CDKL4: variants seen among roughly 807,000 people sequenced by gnomAD.
CDKL4 encodes the protein cyclin-dependent kinase-like 4.
In CDKL4, 44 loss-of-function variants were observed where a neutral mutation model predicts 42.0. That is an observed-to-expected ratio of 1.05 (90% CI 0.82 to 1.35). The LOEUF is 1.35. Ranked by LOEUF, CDKL4 falls within the 40% of genes most tolerant of loss-of-function variation. CDKL4 has a pLI of 0.00. For missense variants in CDKL4, 393 were observed against 369.9 expected, an observed-to-expected ratio of 1.06 and a Z score of -0.51; for synonymous variants, 120 against 121.6, an observed-to-expected ratio of 0.99 and a Z score of 0.09.
chr2:39,214,460 T>C (rs924863096), intron 3 of CDKL4, among the ~76,000 whole-genome samples: 18 of 152,224 alleles, frequency 1.2e-4, no homozygotes, highest in Non-Finnish European at 2.4e-4. Context: ...CATAATTTAC[T>C]TAGTCTCTAT....
intron 3 of CDKL4, 99 bp downstream of exon 3, chr2:39,225,740 G>C: frequency 8.2e-7 from 1 of 1,212,310 alleles, no homozygotes; most frequent in Non-Finnish European, 1.1e-6. Flanking sequence ...GTGGTAGAAA[G>C]GGGAATTGTG....
chr2:39,207,236 A>T (rs1021718531), intron 4 of CDKL4, among the ~76,000 whole-genome samples: 105 of 152,148 alleles, frequency 6.9e-4, no homozygotes, highest in Non-Finnish European at 8.8e-4. Flanking sequence ...AAATACAAAA[A>T]TTAGCTAGGT....
upstream of CDKL4, among the ~76,000 whole-genome samples, chr2:39,245,732 G>A (rs150392253): frequency 0.018 from 2,788 of 152,300 alleles, 91 homozygotes; most frequent in African/African-American, 0.062. Flanking sequence ...CCCTGCCTGG[G>A]CAGAGACCTT....
intron 3 of CDKL4, among the ~76,000 whole-genome samples, chr2:39,218,665 G>A (rs1005049740): frequency 4.6e-5 from 7 of 152,140 alleles, no homozygotes; most frequent in Admixed American, 1.3e-4. Flanking sequence ...ACAACAAAAC[G>A]GTAGGGGAAG....
chr2:39,193,144 A>T lies in CDKL4; in HGVS notation c.455-2642T>A, dbSNP rs1322514342. 2.0e-5 allele frequency among the ~76,000 whole-genome samples: 3 copies of T among 149,206 alleles called. No individual in the cohort carries two copies. The East Asian group carries it at 6.0e-4, about 30-fold the overall frequency. On this transcript the variant is annotated intron_variant, in intron 5 of 9. Transcript: ENST00000451199. ...CTCCATCTCTAAAAAAAAAAAAAAA[A>T]AAAAAGGAGCCAGGTTTGGTGGCTC...
chr2:39,180,365 C>T (rs1171955356), intron 8 of CDKL4, among the ~76,000 whole-genome samples: 5 of 152,274 alleles, frequency 3.3e-5, no homozygotes, highest in Non-Finnish European at 7.3e-5. Flanking sequence ...ATTGCGTTGC[C>T]TGAGGCTGCC....
downstream of CDKL4, among the ~76,000 whole-genome samples, chr2:39,173,331 C>G (rs1354397374): frequency 1.3e-5 from 2 of 152,100 alleles, no homozygotes; most frequent in Non-Finnish European, 2.9e-5. Context: ...GCAAAGTTGC[C>G]TTTTATCTTT....
At chr2:39,199,341 ATAAT>A (rs1558558597) in intron 5 of CDKL4, among the ~76,000 whole-genome samples, 1 of 151,982 alleles carries the variant, frequency 6.6e-6, no homozygotes, top group Non-Finnish European at 1.5e-5. Context: ...GATTGAAATG[ATAAT>A]TAAAAAGTTA....
At chr2:39,232,841 C>T (rs562679048) in intron 1 of CDKL4, among the ~76,000 whole-genome samples, 10 of 151,772 alleles carry the variant, frequency 6.6e-5, no homozygotes, top group South Asian at 4.2e-4. Context: ...GTCAGGGGAT[C>T]GAGACCATCC....
intron 4 of CDKL4, among the ~76,000 whole-genome samples, chr2:39,213,153 TTTC>T (rs1677688955): frequency 6.6e-6 from 1 of 152,152 alleles, no homozygotes; most frequent in Non-Finnish European, 1.5e-5. Flanking sequence ...GTTATTCCCT[TTTC>T]TTCTTTTTTG....
At chr2:39,221,013 G>C (rs142558897) in intron 3 of CDKL4, among the ~76,000 whole-genome samples, 2 of 73,774 alleles carry the variant, frequency 2.7e-5, no homozygotes, top group East Asian at 5.2e-4. Context: ...TTTTTTTTTT[G>C]TTTTGTTTTT....
chr2:39,181,652 C>T (rs747141983), intron 8 of CDKL4, among the ~76,000 whole-genome samples: 6 of 152,158 alleles, frequency 3.9e-5, no homozygotes, highest in African/African-American at 7.2e-5. Context: ...GCATGGAGTA[C>T]ACCCCCAACC....
At chr2:39,218,085 T>A (rs934232415) in intron 3 of CDKL4, among the ~76,000 whole-genome samples, 8 of 152,198 alleles carry the variant, frequency 5.3e-5, no homozygotes, top group African/African-American at 1.9e-4. Context: ...TTTACTTCTA[T>A]TTCTATGTTT....
At chr2:39,210,890 A>G (rs1677548008) in intron 4 of CDKL4, among the ~76,000 whole-genome samples, 1 of 152,202 alleles carries the variant, frequency 6.6e-6, no homozygotes, top group South Asian at 2.1e-4. Context: ...AAAGCTTTTG[A>G]TTTAACCTAA....
At chr2:39,232,367 T>C (rs1679127301) in intron 1 of CDKL4, among the ~76,000 whole-genome samples, 1 of 152,194 alleles carries the variant, frequency 6.6e-6, no homozygotes, top group African/African-American at 2.4e-5. Context: ...CTTACTAGGA[T>C]TATAACAGAG....
At chr2:39,173,338 CT>C (rs1407631874), downstream of CDKL4, among the ~76,000 whole-genome samples, 1 of 152,132 alleles carries the variant, frequency 6.6e-6, no homozygotes, top group African/African-American at 2.4e-5. Flanking sequence ...TGCCTTTTAT[CT>C]TTTTTCTCAT....
At chr2:39,202,671 T>C (rs1277056995) in intron 5 of CDKL4, among the ~76,000 whole-genome samples, 1 of 152,166 alleles carries the variant, frequency 6.6e-6, no homozygotes, top group Non-Finnish European at 1.5e-5. Flanking sequence ...TTATTTCTTA[T>C]GTTTAAGTTG....
chr2:39,227,693 C>T (rs7594004), intron 2 of CDKL4, among the ~76,000 whole-genome samples: 131,747 of 152,206 alleles, frequency 0.87, 57,281 homozygotes, highest in Non-Finnish European at 0.92. Context: ...GGCTTTGTGC[C>T]GCTGCAAAAC....
At chr2:39,184,514 G>C (rs1675611630) in intron 8 of CDKL4, 77 bp downstream of exon 8, 1 of 989,252 alleles carries the variant, frequency 1.0e-6, no homozygotes, top group Non-Finnish European at 1.6e-6. Flanking sequence ...TTAATCCACT[G>C]TCCACCCCTC....
Sources: allele counts gnomAD v4.1 joint callset (sites outside exome capture counted in the v4.1 genomes callset), GRCh38; gene constraint gnomAD v4.1.1; transcripts MANE v1.5; gene names NCBI Gene and HGNC (gene_info 2026-07-23, HGNC 2026-07-21).